The following ENTHD1 variants were observed in gnomAD, a reference collection of about 807,000 sequenced individuals.
The protein encoded by ENTHD1 is ENTH domain-containing protein 1.
Under a neutral mutation model 39.1 loss-of-function variants are expected in ENTHD1, and 23 were observed. The observed-to-expected ratio is 0.59, with a 90% CI of 0.42 to 0.83. The LOEUF is 0.83. Ranked by LOEUF, ENTHD1 falls within the 40% of genes least tolerant of loss-of-function variation. The pLI, the probability that ENTHD1 is intolerant of heterozygous loss-of-function variation, is 0.00. For missense variants in ENTHD1, 624 were observed against 705.4 expected, an observed-to-expected ratio of 0.88 and a Z score of 1.31; for synonymous variants, 230 against 258.2, an observed-to-expected ratio of 0.89 and a Z score of 1.05.
intron 3 of ENTHD1, among the ~76,000 whole-genome samples, chr22:39,846,164 C>T (rs1356650021): frequency 6.6e-6 from 1 of 152,144 alleles, no homozygotes; most frequent in Non-Finnish European, 1.5e-5. Context: ...ATTTAAAATG[C>T]CAGACCTGAA....
At chr22:39,819,251 G>A (rs1030776095) in intron 5 of ENTHD1, among the ~76,000 whole-genome samples, 4 of 152,086 alleles carry the variant, frequency 2.6e-5, no homozygotes, top group African/African-American at 4.8e-5. Context: ...TGTAGTCCCA[G>A]CTACTTGGGA....
At chr22:39,869,952 T>G (rs955241292) in intron 2 of ENTHD1, among the ~76,000 whole-genome samples, 1 of 151,688 alleles carries the variant, frequency 6.6e-6, no homozygotes, top group African/African-American at 2.4e-5. Context: ...CTAGAACAGC[T>G]GAAGATAGAT....
At chr22:39,782,455 C>T (rs1359663516) in intron 5 of ENTHD1, among the ~76,000 whole-genome samples, 2 of 151,894 alleles carry the variant, frequency 1.3e-5, no homozygotes, top group Non-Finnish European at 2.9e-5. Flanking sequence ...CTTCCAAATT[C>T]ATTCTATGAG....
chr22:39,786,704 C>G (rs574731927), intron 5 of ENTHD1, among the ~76,000 whole-genome samples: 129 of 152,232 alleles, frequency 8.5e-4, no homozygotes, highest in African/African-American at 3.1e-3. Context: ...ATCCCCTCAC[C>G]ACCCAGCCCC....
At chr22:39,849,159 A>T (rs2066015254) in intron 3 of ENTHD1, among the ~76,000 whole-genome samples, 1 of 152,160 alleles carries the variant, frequency 6.6e-6, no homozygotes, top group African/African-American at 2.4e-5. Flanking sequence ...TATTTTAGGA[A>T]TGTTTTGGAT....
intron 4 of ENTHD1, among the ~76,000 whole-genome samples, chr22:39,833,036 G>A (rs1012830264): frequency 6.6e-6 from 1 of 152,148 alleles, no homozygotes; most frequent in Non-Finnish European, 1.5e-5. Flanking sequence ...GGCTTGGGAA[G>A]ATGCTTCTTC....
chr22:39,826,244 C>T (rs150106007), intron 4 of ENTHD1, among the ~76,000 whole-genome samples: 117 of 152,254 alleles, frequency 7.7e-4, no homozygotes, highest in African/African-American at 2.8e-3. Context: ...GTGGTTATCT[C>T]TTGTCTCATC....
At chr22:39,874,925 G>C (rs2066274651) in intron 2 of ENTHD1, among the ~76,000 whole-genome samples, 2 of 152,148 alleles carry the variant, frequency 1.3e-5, no homozygotes, top group Admixed American at 6.5e-5. Context: ...AATCACTTAA[G>C]AAAACTTTAG....
intron 4 of ENTHD1, 80 bp from the exon 5 acceptor site, chr22:39,821,193 A>G (rs1054855894): frequency 4.0e-6 from 6 of 1,493,874 alleles, no homozygotes; most frequent in African/African-American, 2.8e-5. Flanking sequence ...GCTACAAAGT[A>G]TCTAAATGTG....
At chr22:39,821,904 C>T (rs1238851592) in intron 4 of ENTHD1, among the ~76,000 whole-genome samples, 2 of 152,180 alleles carry the variant, frequency 1.3e-5, no homozygotes, top group Non-Finnish European at 2.9e-5. Flanking sequence ...TTCATGAGGG[C>T]TATGCCCTTA....
chr22:39,857,990 T>G (rs2066108846), intron 3 of ENTHD1, among the ~76,000 whole-genome samples: 1 of 152,188 alleles, frequency 6.6e-6, no homozygotes, highest in South Asian at 2.1e-4. Context: ...GCTGTGGCAA[T>G]TTTTTAAAGT....
In ENTHD1 at chr22:39,748,669, T is replaced by C. The variant is rs113300281; in HGVS notation, c.1220-4386A>G. On this transcript the variant is annotated intron_variant, in intron 6 of 6. Transcript: ENST00000325157. The stretch of plus-strand genomic sequence containing the variant: ...CAATCTCCTGACCTCGTGATCTGCC[T>C]GCCTAGGCCTCCCAAAGTGCTGGGA... Among the ~76,000 whole-genome samples the C allele has an allele frequency of 3.0e-4, 46 of 152,212 alleles. 1 individual carries two copies. The highest frequency in any genetic ancestry group is 9.9e-4 in the African/African-American group (41 of 41,536).
Position 39,858,182 on chromosome 22 carries a change from T to C in ENTHD1, c.592+3583A>G, listed in dbSNP as rs535932227. Among the ~76,000 whole-genome samples, 11 of 152,366 alleles carry C rather than the reference T, an allele frequency of 7.2e-5. 1 individual carries two copies. The South Asian group carries it at 2.3e-3, about 32-fold the overall frequency. On this transcript the variant is annotated intron_variant, in intron 3 of 6. Coordinates refer to ENST00000325157, the MANE Select transcript of ENTHD1 (RefSeq NM_152512.4). Reference sequence around the variant, plus strand: ...AGTTTATGTAATATTCTGAATTCTTTGTTGGCATTGCAACAATGTTCACAG... The same window carrying C: ...AGTTTATGTAATATTCTGAATTCTTCGTTGGCATTGCAACAATGTTCACAG...
intron 6 of ENTHD1, among the ~76,000 whole-genome samples, chr22:39,748,589 T>G (rs2146530969): frequency 6.6e-6 from 1 of 151,932 alleles, no homozygotes; most frequent in Non-Finnish European, 1.5e-5. Flanking sequence ...CCCGGCTATT[T>G]TTTTTTTGTG....
intron 6 of ENTHD1, 32 bp downstream of exon 6, chr22:39,765,191 T>A (rs561466105): frequency 6.5e-7 from 1 of 1,541,068 alleles, no homozygotes; most frequent in Admixed American, 1.9e-5. Context: ...TGTGTGTGTG[T>A]GTGTGTGTGT....
chr22:39,869,945 G>A (rs2066226502), intron 2 of ENTHD1, among the ~76,000 whole-genome samples: 1 of 151,644 alleles, frequency 6.6e-6, no homozygotes, highest in African/African-American at 2.4e-5. Context: ...AACCAGACTA[G>A]AACAGCTGAA....
chr22:39,762,088 T>C (rs2065238100), intron 6 of ENTHD1, among the ~76,000 whole-genome samples: 1 of 152,214 alleles, frequency 6.6e-6, no homozygotes, highest in Non-Finnish European at 1.5e-5. Flanking sequence ...GGAAGATAAC[T>C]TGCCTGGCCT....
At chr22:39,807,273 C>T (rs1376349919) in intron 5 of ENTHD1, among the ~76,000 whole-genome samples, 1 of 152,108 alleles carries the variant, frequency 6.6e-6, no homozygotes, top group African/African-American at 2.4e-5. Flanking sequence ...CAAAGGCTCC[C>T]CATTGTTTTT....
chr22:39,845,151 A>C (rs994036706), intron 3 of ENTHD1, among the ~76,000 whole-genome samples: 28 of 152,050 alleles, frequency 1.8e-4, no homozygotes, highest in Non-Finnish European at 1.3e-4. Flanking sequence ...GGAAGAGTCA[A>C]GAAATCACTA....
Sources: gnomAD v4.1 joint callset for allele counts (sites outside exome capture counted in the v4.1 genomes callset) on GRCh38, gnomAD v4.1.1 for gene constraint, MANE v1.5 for transcripts, NCBI Gene and HGNC (gene_info 2026-07-23, HGNC 2026-07-21) for gene names.